Variants in RASAL2 observed in about 807,000 individuals in gnomAD.
RASAL2 encodes RAS protein activator like 2, also known as ras GTPase-activating protein nGAP.
RASAL2 carries 58 observed loss-of-function variants against 128.9 expected under a neutral mutation model. The observed-to-expected ratio is 0.45, with a 90% CI of 0.36 to 0.56. The LOEUF (loss-of-function observed/expected upper bound fraction) is 0.56. RASAL2 is among the 20% of genes least tolerant of loss of function. The pLI is 0.00. For missense variants in RASAL2, 1,360 were observed against 1,601.6 expected (o/e 0.85, Z 2.57); for synonymous variants, 561 against 580.8 (o/e 0.97, Z 0.49).
At chr1:178,133,975 C>T (rs1014909378) in intron 1 of RASAL2, among the ~76,000 whole-genome samples, 9 of 152,128 alleles carry the variant, frequency 5.9e-5, no homozygotes, top group African/African-American at 2.2e-4. Flanking sequence ...GAGGTGCAAA[C>T]AATGTGAGAA....
At chr1:178,276,438 C>A (rs1262219335) in intron 1 of RASAL2, among the ~76,000 whole-genome samples, 2 of 152,000 alleles carry the variant, frequency 1.3e-5, no homozygotes, top group African/African-American at 4.8e-5. Context: ...AAGCAGACAA[C>A]ATTAATACAT....
intron 1 of RASAL2, among the ~76,000 whole-genome samples, chr1:178,247,190 T>C (rs1664803740): frequency 6.6e-6 from 1 of 152,178 alleles, no homozygotes; most frequent in Non-Finnish European, 1.5e-5. Context: ...TGGATCCATC[T>C]GGTCCTGGGC....
At position 178,456,788 on chromosome 1, in the gene RASAL2, C is replaced by T. The variant is rs755273059; in HGVS notation, c.2279C>T (p.Pro760Leu). The change falls in exon 13 of 18, where the codon CCT (proline) becomes CTT (leucine). Residue 760 changes from proline to leucine, a missense_variant. By Grantham distance (98) the Pro-to-Leu change is moderately conservative. Coordinates refer to ENST00000367649, the MANE Select transcript of RASAL2 (RefSeq NM_170692.4). ...LADITKSLTNPTPIQQQLRRF... is the reference protein window; with the variant it reads ...LADITKSLTNLTPIQQQLRRF... ...GATATTACCAAGTCATTGACTAATC[C>T]TACGCCAATACAACAGCAACTGAGA... The T allele has an allele frequency of 2.5e-6, 4 of 1,614,112 alleles. No individual in the cohort carries two copies. Among genetic ancestry groups the T allele is most frequent in the Non-Finnish European group, 3.4e-6 (4 of 1,179,988 alleles).
At chr1:178,454,826 G>GA (rs1048190375) in intron 12 of RASAL2, among the ~76,000 whole-genome samples, 178 bp downstream of exon 12, 1 of 152,080 alleles carries the variant, frequency 6.6e-6, no homozygotes, top group Non-Finnish European at 1.5e-5. Context: ...TGAAACTCTA[G>GA]AAAACCATGA....
At chr1:178,149,586 G>A (rs566955567) in intron 1 of RASAL2, among the ~76,000 whole-genome samples, 1 of 151,084 alleles carries the variant, frequency 6.6e-6, no homozygotes, top group East Asian at 1.9e-4. Flanking sequence ...GTACCTTTTT[G>A]CCAAACTTTG....
intron 3 of RASAL2, among the ~76,000 whole-genome samples, chr1:178,346,901 A>C (rs1040115954): frequency 6.6e-6 from 1 of 152,220 alleles, no homozygotes; most frequent in Non-Finnish European, 1.5e-5. Context: ...AATTTATTGT[A>C]ATATAAAAGG....
chr1:178,471,219 G>C (rs73037567), intron 17 of RASAL2, among the ~76,000 whole-genome samples: 1 of 151,724 alleles, frequency 6.6e-6, no homozygotes, highest in Non-Finnish European at 1.5e-5. Flanking sequence ...TTCTTTAATC[G>C]TTCAAGAAAT....
At chr1:178,341,223 C>T (rs1669860155) in intron 3 of RASAL2, among the ~76,000 whole-genome samples, 1 of 152,228 alleles carries the variant, frequency 6.6e-6, no homozygotes, top group African/African-American at 2.4e-5. Flanking sequence ...CACAGATTCA[C>T]ACATCCACCC....
At chr1:178,255,042 C>CA (rs201792264) in intron 1 of RASAL2, among the ~76,000 whole-genome samples, 15 of 151,402 alleles carry the variant, frequency 9.9e-5, no homozygotes, top group Admixed American at 5.9e-4. Context: ...GGAAAAAATC[C>CA]AAAAAAACCC....
chr1:178,371,322 C>CACACACACACACACACACACACA (rs1671685261), intron 3 of RASAL2, among the ~76,000 whole-genome samples: 1 of 124,474 alleles, frequency 8.0e-6, no homozygotes, highest in African/African-American at 2.8e-5. Context: ...GCCTTCTTTC[C>CACACACACACACACACACACACA]CACACACACA....
chr1:178,402,525 G>T (rs1018494658), intron 4 of RASAL2, among the ~76,000 whole-genome samples: 10 of 152,082 alleles, frequency 6.6e-5, no homozygotes, highest in Non-Finnish European at 1.5e-4. Flanking sequence ...TTAGGAAATA[G>T]CCTCTAGAAG....
chr1:178,462,992 T>C (rs888501093), intron 14 of RASAL2, among the ~76,000 whole-genome samples: 2 of 152,152 alleles, frequency 1.3e-5, no homozygotes, highest in Non-Finnish European at 2.9e-5. Context: ...GATAGCCTTT[T>C]AGTCTCTGCA....
intron 1 of RASAL2, among the ~76,000 whole-genome samples, chr1:178,205,517 G>A (rs1230149796): frequency 6.6e-6 from 1 of 152,050 alleles, no homozygotes; most frequent in African/African-American, 2.4e-5. Flanking sequence ...AGCACTTTGG[G>A]AGGCTGAGGT....
intron 1 of RASAL2, among the ~76,000 whole-genome samples, chr1:178,250,113 A>T (rs1395874205): frequency 6.6e-6 from 1 of 152,136 alleles, no homozygotes; most frequent in African/African-American, 2.4e-5. Flanking sequence ...CTTTGTCAGG[A>T]TCCCCTTGCT....
rs763512827 is a variant in RASAL2, at chr1:178,457,780, A to G, written c.2488A>G (p.Met830Val). 2 of 1,614,244 alleles carry G rather than the reference A, an allele frequency of 1.2e-6. No homozygotes were observed. Among genetic ancestry groups the G allele is most frequent in the Non-Finnish European group, 1.7e-6 (2 of 1,180,044 alleles). The change falls in exon 14 of 18, where the codon ATG becomes GTG. Residue 830 changes from methionine (M) to valine (V), a missense_variant. This residue lies in a region of RASAL2 where 741 missense variants were observed against 868.6 expected (regional missense o/e 0.85). Coordinates refer to ENST00000367649, the MANE Select transcript of RASAL2 (RefSeq NM_170692.4). The part of the protein sequence containing the change: ...LLVQQASSQS[M>V]TYSEKDERES... ...GGTTCAGCAAGCCTCCTCTCAGAGC[A>G]TGACTTATTCTGAAAAGGATGAAAG...
chr1:178,341,628 G>C, intron 3 of RASAL2: 1 of 1,613,852 alleles, frequency 6.2e-7, no homozygotes, highest in Non-Finnish European at 8.5e-7. Context: ...TGTAGAGTCT[G>C]AGACCGAAAT....
intron 4 of RASAL2, among the ~76,000 whole-genome samples, chr1:178,399,527 G>A (rs968110764): frequency 2.0e-5 from 3 of 152,200 alleles, no homozygotes; most frequent in Non-Finnish European, 2.9e-5. Context: ...GGTGGAACCT[G>A]GTAGCCAGTG....
At chr1:178,229,391 G>C (rs1488456073) in intron 1 of RASAL2, among the ~76,000 whole-genome samples, 1 of 151,960 alleles carries the variant, frequency 6.6e-6, no homozygotes, top group African/African-American at 2.4e-5. Context: ...TCTGTCATTA[G>C]TCTCTTTGAA....
At chr1:178,136,756 C>CAAAAAAAAAAAAAAAAAAAAAAA (rs397982072) in intron 1 of RASAL2, among the ~76,000 whole-genome samples, 1 of 47,200 alleles carries the variant, frequency 2.1e-5, no homozygotes, top group African/African-American at 1.0e-4. Flanking sequence ...GACTCTGTCT[C>CAAAAAAAAAAAAAAAAAAAAAAA]AAAAAAAAAA....
Sources: gnomAD v4.1 joint callset for allele counts (sites outside exome capture counted in the v4.1 genomes callset) on GRCh38, gnomAD v4.1.1 for gene constraint, gnomAD v4.1.1 regional missense constraint, MANE v1.5 for transcripts, NCBI Gene and HGNC (gene_info 2026-07-23, HGNC 2026-07-21) for gene names.